The following GDPD5 variants were observed in gnomAD, a reference collection of about 807,000 sequenced individuals.
GDPD5 encodes glycerophosphodiester phosphodiesterase 2.
In GDPD5, 48 loss-of-function variants were observed where a neutral mutation model predicts 75.1. The observed-to-expected ratio is 0.64, with a 90% CI of 0.51 to 0.81. GDPD5 has a LOEUF of 0.81. Among genes scored for constraint, GDPD5 ranks in the 40% least tolerant of loss-of-function variants. The pLI is 0.00. For synonymous variants in GDPD5, 336 were observed against 339.0 expected (o/e 0.99, Z 0.10); for missense variants, 706 against 822.6 (o/e 0.86, Z 1.73).
At chr11:75,468,450 C>T (rs1056540612) in intron 3 of GDPD5, among the ~76,000 whole-genome samples, 1 of 152,206 alleles carries the variant, frequency 6.6e-6, no homozygotes, top group Non-Finnish European at 1.5e-5. Flanking sequence ...AGACATGGAG[C>T]CTGACAACGG....
intron 2 of GDPD5, among the ~76,000 whole-genome samples, chr11:75,489,068 A>G (rs1444579497): frequency 6.6e-6 from 1 of 152,220 alleles, no homozygotes; most frequent in East Asian, 1.9e-4. Flanking sequence ...GGAAGGAAAA[A>G]AAGAACCAAT....
intron 4 of GDPD5, among the ~76,000 whole-genome samples, chr11:75,460,007 TGGC>T (rs1949378027): frequency 6.6e-6 from 1 of 152,180 alleles, no homozygotes; most frequent in Non-Finnish European, 1.5e-5. Context: ...CTGCCCTCCC[TGGC>T]CCTCATCCTC....
chr11:75,516,423 G>A (rs561093928), intron 1 of GDPD5, among the ~76,000 whole-genome samples: 1 of 152,350 alleles, frequency 6.6e-6, no homozygotes, highest in South Asian at 2.1e-4. Context: ...GCCCAGGCAA[G>A]GAGACCAAGC....
intron 4 of GDPD5, among the ~76,000 whole-genome samples, chr11:75,461,783 G>T (rs1474569397): frequency 6.6e-6 from 1 of 152,216 alleles, no homozygotes; most frequent in Admixed American, 6.5e-5. Flanking sequence ...TGATCAAAAG[G>T]AAGGAACAGC....
intron 6 of GDPD5, chr11:75,456,434 C>T: frequency 2.8e-6 from 1 of 357,568 alleles, no homozygotes; most frequent in Non-Finnish European, 5.2e-6. Context: ...TGGTTAATCA[C>T]ATGACTGCGG....
At chr11:75,489,883 T>G (rs1462115380) in intron 2 of GDPD5, among the ~76,000 whole-genome samples, 1 of 152,008 alleles carries the variant, frequency 6.6e-6, no homozygotes, top group Non-Finnish European at 1.5e-5. Context: ...GGACTACAGG[T>G]GCATGCCACC....
At chr11:75,494,884 AG>A (rs1368907366) in intron 1 of GDPD5, among the ~76,000 whole-genome samples, 4 of 151,982 alleles carry the variant, frequency 2.6e-5, no homozygotes, top group Non-Finnish European at 4.4e-5. Context: ...TCAGGCAGGC[AG>A]AGGTTGCAGT....
Position 75,477,588 on chromosome 11 carries a change from G to C in GDPD5, c.117+31C>G, listed in dbSNP as rs569844377. The C allele has an allele frequency of 4.7e-5, 68 of 1,435,220 alleles. No homozygotes were observed. In the South Asian group the frequency reaches 8.4e-4, roughly 18 times the overall value. 88.9% of individuals were successfully genotyped at this position (1,435,220 alleles called of 1,614,324 possible). ...CCTCAGGCTTGCTGGGGCTCACTGGGTCCCTCTGACCCTGTTCCAGGGTGG... is the reference window on the plus strand; with the variant it reads ...CCTCAGGCTTGCTGGGGCTCACTGGCTCCCTCTGACCCTGTTCCAGGGTGG... On this transcript the variant is annotated intron_variant, in intron 3 of 16. Coordinates refer to ENST00000336898, the MANE Select transcript of GDPD5 (RefSeq NM_030792.8).
Position 75,457,686 on chromosome 11 carries a change from C to A in GDPD5, c.315+7G>T. Reference sequence around the variant, plus strand: ...GGCCACCTGCCCTCCAAAACAGCCCCATGTACCAGGAGGCCAGCGATGTAT... The same window carrying A: ...GGCCACCTGCCCTCCAAAACAGCCCAATGTACCAGGAGGCCAGCGATGTAT... On this transcript the variant is annotated splice_region_variant and intron_variant, in intron 5 of 16. Transcript: ENST00000336898. The A allele has an allele frequency of 6.2e-7, 1 of 1,613,752 alleles. No homozygotes were observed. The highest frequency in any genetic ancestry group is 8.5e-7 in the Non-Finnish European group (1 of 1,179,672).
intron 11 of GDPD5, chr11:75,442,930 G>T: frequency 1.6e-6 from 1 of 641,164 alleles, no homozygotes; most frequent in Non-Finnish European, 2.8e-6. Context: ...TTTCTAGTGA[G>T]GGAAATGGAC....
At chr11:75,458,867 T>C (rs1225286902) in intron 4 of GDPD5, among the ~76,000 whole-genome samples, 1 of 152,054 alleles carries the variant, frequency 6.6e-6, no homozygotes, top group Non-Finnish European at 1.5e-5. Flanking sequence ...ACTGAAGCTT[T>C]GACCTCCTGG....
chr11:75,436,042 A>T (rs990194347), intron 16 of GDPD5, among the ~76,000 whole-genome samples: 1 of 152,066 alleles, frequency 6.6e-6, no homozygotes, highest in Non-Finnish European at 1.5e-5. Context: ...TGGGAACCTC[A>T]TCGGAGCCCT....
intron 1 of GDPD5, among the ~76,000 whole-genome samples, chr11:75,505,984 G>A (rs773596429): frequency 6.6e-6 from 1 of 152,252 alleles, no homozygotes; most frequent in East Asian, 1.9e-4. Flanking sequence ...CAGAAGGAAT[G>A]GGGCGGGGCA....
Position 75,449,572 on chromosome 11 carries a change from T to G in GDPD5, c.513A>C (p.Ala171=). 6.3e-7 allele frequency: 1 copy of G among 1,589,414 alleles called. No homozygotes were observed. Among genetic ancestry groups the G allele is most frequent in the Non-Finnish European group, 8.6e-7 (1 of 1,168,332 alleles). ...APFLHVGAVA[A]VTMLSWIVAG... ...CCACGATCCAGGAGAGCATGGTGAC[T>G]GCTGCCACAGCCCCCACATGCAGGA... The change falls in exon 8 of 17, where the codon GCA becomes GCC. Residue 171 remains alanine (A), a synonymous_variant. Transcript: ENST00000336898.
At chr11:75,479,783 C>T (rs1011258949) in intron 2 of GDPD5, among the ~76,000 whole-genome samples, 3 of 152,108 alleles carry the variant, frequency 2.0e-5, no homozygotes, top group Non-Finnish European at 4.4e-5. Context: ...TTCTAGAGAC[C>T]TCGTATAAAT....
chr11:75,511,374 A>G (rs1306220406), intron 1 of GDPD5, among the ~76,000 whole-genome samples: 4 of 152,154 alleles, frequency 2.6e-5, no homozygotes, highest in Non-Finnish European at 5.9e-5. Context: ...TCTTTGACCA[A>G]GGAGTTGCAT....
intron 11 of GDPD5, 60 bp downstream of exon 11, chr11:75,443,076 C>T (rs549866423): frequency 1.3e-6 from 2 of 1,552,668 alleles, no homozygotes; most frequent in African/African-American, 2.7e-5. Flanking sequence ...GCACCTCTCA[C>T]TCCTTGCAGT....
At chr11:75,476,588 T>C (rs1285514729) in intron 3 of GDPD5, among the ~76,000 whole-genome samples, 1 of 152,156 alleles carries the variant, frequency 6.6e-6, no homozygotes, top group Non-Finnish European at 1.5e-5. Context: ...GCCAGGGGCC[T>C]GCCCTGTGGC....
At chr11:75,499,763 T>C (rs1950273008) in intron 1 of GDPD5, among the ~76,000 whole-genome samples, 1 of 152,146 alleles carries the variant, frequency 6.6e-6, no homozygotes, top group African/African-American at 2.4e-5. Flanking sequence ...GTGGCCTCTT[T>C]GGAAGCAGGC....
Sources: allele counts gnomAD v4.1 joint callset (sites outside exome capture counted in the v4.1 genomes callset), GRCh38; gene constraint gnomAD v4.1.1; transcripts MANE v1.5; gene names NCBI Gene and HGNC (gene_info 2026-07-23, HGNC 2026-07-21).